Variants in CDH13 observed in about 807,000 individuals in gnomAD.
CDH13 encodes the protein cadherin 13.
In CDH13, 24 loss-of-function variants were observed where a neutral mutation model predicts 63.8. That is an observed-to-expected ratio of 0.38 (90% CI 0.27 to 0.53). The LOEUF is 0.53. Ranked by LOEUF, CDH13 falls within the 20% of genes least tolerant of loss-of-function variation. CDH13 has a pLI of 0.85. For synonymous variants in CDH13, 503 were observed against 355.3 expected, an observed-to-expected ratio of 1.42 and a Z score of -4.67; for missense variants, 1,049 against 903.1, an observed-to-expected ratio of 1.16 and a Z score of -2.07.
At chr16:83,232,303 T>C (rs1163845603) in intron 5 of CDH13, among the ~76,000 whole-genome samples, 2 of 139,014 alleles carry the variant, frequency 1.4e-5, no homozygotes, top group Non-Finnish European at 1.5e-5. Flanking sequence ...GGCGAGCAGA[T>C]CACTTGAGGT....
intron 4 of CDH13, among the ~76,000 whole-genome samples, chr16:83,197,168 T>C (rs566575031): frequency 6.6e-6 from 1 of 152,294 alleles, no homozygotes; most frequent in South Asian, 2.1e-4. Flanking sequence ...TTATGCTGAA[T>C]GAAAATGCTA....
chr16:83,105,290 G>C (rs2034709211), intron 3 of CDH13, among the ~76,000 whole-genome samples: 1 of 152,222 alleles, frequency 6.6e-6, no homozygotes, highest in Non-Finnish European at 1.5e-5. Context: ...TTGATACAAA[G>C]TCAAACGCTG....
intron 6 of CDH13, among the ~76,000 whole-genome samples, chr16:83,476,199 A>G (rs931413611): frequency 6.6e-6 from 1 of 152,196 alleles, no homozygotes; most frequent in Non-Finnish European, 1.5e-5. Flanking sequence ...ACATTTTCAT[A>G]TTTGTCAGAT....
chr16:83,301,289 C>T (rs1424786078), intron 5 of CDH13, among the ~76,000 whole-genome samples: 1 of 152,040 alleles, frequency 6.6e-6, no homozygotes, highest in Non-Finnish European at 1.5e-5. Context: ...CCTCAGCCTC[C>T]CAAAGTGCAG....
chr16:83,216,127 T>C (rs1320318636), intron 4 of CDH13, among the ~76,000 whole-genome samples: 1 of 151,882 alleles, frequency 6.6e-6, no homozygotes, highest in Non-Finnish European at 1.5e-5. Context: ...TCCCTCTGCC[T>C]GGAACTACTC....
intron 2 of CDH13, among the ~76,000 whole-genome samples, chr16:82,967,071 G>A (rs527606087): frequency 5.9e-5 from 9 of 151,964 alleles, no homozygotes; most frequent in South Asian, 2.1e-4. Context: ...TCTGTCTTTC[G>A]TGACCATGAC....
At chr16:82,732,791 T>G (rs1441872401) in intron 1 of CDH13, among the ~76,000 whole-genome samples, 1 of 152,202 alleles carries the variant, frequency 6.6e-6, no homozygotes, top group Non-Finnish European at 1.5e-5. Context: ...GAGGATCTGT[T>G]TAGTCACTTT....
intron 1 of CDH13, among the ~76,000 whole-genome samples, chr16:82,630,826 G>A (rs542900869): frequency 6.6e-6 from 1 of 152,182 alleles, no homozygotes; most frequent in Non-Finnish European, 1.5e-5. Context: ...CAGTGTTTCT[G>A]TGTGCGCGTC....
chr16:83,572,175 G>GGTGT (rs71148844), intron 7 of CDH13, among the ~76,000 whole-genome samples: 4,780 of 145,654 alleles, frequency 0.033, 95 homozygotes, highest in African/African-American at 0.04. Flanking sequence ...ACTTTCCTGT[G>GGTGT]GTGTGTGTGT....
chr16:83,170,801 T>C (rs942472640), intron 4 of CDH13, among the ~76,000 whole-genome samples: 3 of 152,106 alleles, frequency 2.0e-5, no homozygotes, highest in South Asian at 4.2e-4. Context: ...GATGTAGGCA[T>C]GTGCATGTTT....
At position 82,796,529 on chromosome 16, in the gene CDH13, C is replaced by T. The variant is rs1379707936; in HGVS notation, c.46-61833C>T. ...CGTGGAATTTACATTCTAAAGGGCA[C>T]AGTTTTTCTGTTGAGTCTTCCCAGG... On this transcript the variant is annotated intron_variant, in intron 1 of 13. Coordinates refer to ENST00000567109, the MANE Select transcript of CDH13 (RefSeq NM_001257.5). Among the ~76,000 whole-genome samples the T allele has an allele frequency of 7.9e-5, 12 of 152,328 alleles. No individual in the cohort carries two copies. In the East Asian group the frequency reaches 2.3e-3, roughly 29 times the overall value.
chr16:82,921,069 C>G (rs543912825), intron 2 of CDH13, among the ~76,000 whole-genome samples: 1 of 152,202 alleles, frequency 6.6e-6, no homozygotes, highest in East Asian at 1.9e-4. Flanking sequence ...ACCTTGCATA[C>G]CTTTAATAAA....
intron 1 of CDH13, among the ~76,000 whole-genome samples, chr16:82,656,961 T>C (rs1911372544): frequency 6.6e-6 from 1 of 151,268 alleles, no homozygotes; most frequent in Non-Finnish European, 1.5e-5. Context: ...TTTCATTGTC[T>C]GGATGTATCA....
In CDH13 at chr16:82,724,223, T is replaced by C. The variant is rs537455291; in HGVS notation, c.45+97086T>C. Among the ~76,000 whole-genome samples, 4 of 152,340 alleles carry C rather than the reference T, an allele frequency of 2.6e-5. No homozygotes were observed. In the East Asian group the frequency reaches 7.7e-4, roughly 29 times the overall value. ...CAAGTCCTTCTAATTAGTTAGAATT[T>C]CATTAATCCAGTCATCCTTCCATCC... is the stretch of plus-strand genomic sequence containing the variant. On this transcript the variant is annotated intron_variant, in intron 1 of 13. Coordinates refer to ENST00000567109, the MANE Select transcript of CDH13 (RefSeq NM_001257.5).
chr16:82,987,728 G>C (rs72792120), intron 2 of CDH13, among the ~76,000 whole-genome samples: 40,594 of 152,124 alleles, frequency 0.27, 5,533 homozygotes, highest in Middle Eastern at 0.31. Flanking sequence ...GTCACTGGTT[G>C]AATCGCAAAG....
intron 6 of CDH13, among the ~76,000 whole-genome samples, chr16:83,389,257 C>A (rs1484239320): frequency 6.6e-6 from 1 of 152,076 alleles, no homozygotes; most frequent in African/African-American, 2.4e-5. Flanking sequence ...ATAAAATTGC[C>A]ATAGTTGTTA....
At chr16:83,631,539 A>C (rs956045747) in intron 8 of CDH13, among the ~76,000 whole-genome samples, 4 of 152,044 alleles carry the variant, frequency 2.6e-5, no homozygotes, top group Non-Finnish European at 5.9e-5. Context: ...AAAATGATGG[A>C]GTTCTTTCAT....
chr16:82,739,154 T>C (rs1052654454), intron 1 of CDH13, among the ~76,000 whole-genome samples: 2 of 152,236 alleles, frequency 1.3e-5, no homozygotes, highest in Non-Finnish European at 2.9e-5. Flanking sequence ...TTTTATTCTT[T>C]ACAATAAAGA....
chr16:83,003,517 G>A (rs190597147), intron 2 of CDH13, among the ~76,000 whole-genome samples: 2 of 152,124 alleles, frequency 1.3e-5, no homozygotes, highest in African/African-American at 4.8e-5. Context: ...TGCAGCTACT[G>A]AGCAAGGAAA....
Sources: gnomAD v4.1 joint callset for allele counts (sites outside exome capture counted in the v4.1 genomes callset) on GRCh38, gnomAD v4.1.1 for gene constraint, MANE v1.5 for transcripts, NCBI Gene and HGNC (gene_info 2026-07-23, HGNC 2026-07-21) for gene names.